The following PDZD11 variants were observed in gnomAD, a reference collection of about 807,000 sequenced individuals.
PDZD11 encodes the protein PDZ domain containing 11, also known as PDZ domain-containing protein 11.
PDZD11 carries 2 observed loss-of-function variants against 13.7 expected under a neutral mutation model. That is an observed-to-expected ratio of 0.15 (90% confidence interval 0.06 to 0.46). The LOEUF (loss-of-function observed/expected upper bound fraction) is 0.46. Ranked by LOEUF, PDZD11 falls within the 20% of genes least tolerant of loss-of-function variation. The pLI is 0.98. For missense variants in PDZD11, 44 were observed against 111.7 expected (o/e 0.39, Z 2.73); for synonymous variants, 32 against 37.5 (o/e 0.85, Z 0.54).
chrX:70,289,450 A>G (rs2085744055), intron 1 of PDZD11, 96 bp from the exon 2 acceptor site: 2 of 1,153,765 alleles, frequency 1.7e-6, no homozygotes, highest in African/African-American at 3.6e-5. Context: ...CAAGGCAGTC[A>G]GTCTACAGGC....
chrX:70,289,127 T>C lies in PDZD11; in HGVS notation c.87+128A>G, dbSNP rs187615361. 24 of 528,116 alleles carry C rather than the reference T, an allele frequency of 4.5e-5. No individual in the cohort carries two copies. The East Asian group carries it at 6.6e-4, about 15-fold the overall frequency. The allele number at this position is 528,116 out of a possible 1,213,427, so 43.5% of individuals were successfully genotyped here. ...TGTTGCTCAGAATCCAGCTTCTGGG[T>C]CCTCTGGCTACAAGTGCTAAGATTC... is the stretch of plus-strand genomic sequence containing the variant. On this transcript the variant is annotated intron_variant, in intron 2 of 6. Transcript: ENST00000239666.
intron 5 of PDZD11, 61 bp downstream of exon 5, chrX:70,287,671 G>C: frequency 1.1e-6 from 1 of 874,935 alleles, no homozygotes; most frequent in Admixed American, 2.2e-5. Flanking sequence ...GGCTACTCCT[G>C]TCCAATCTGT....
At chrX:70,287,209 CA>C in intron 6 of PDZD11, 66 bp downstream of exon 6, 1 of 1,150,036 alleles carries the variant, frequency 8.7e-7, no homozygotes, top group Non-Finnish European at 1.2e-6. Context: ...GGCCTCTAGT[CA>C]TCAGTATTTA....
At chrX:70,288,941 T>G (rs898519687) in intron 2 of PDZD11, among the ~76,000 whole-genome samples, 8 of 111,494 alleles carry the variant, frequency 7.2e-5, no homozygotes, top group Non-Finnish European at 1.5e-4. Flanking sequence ...CAACCTCAGG[T>G]GATCCGCCTG....
intron 5 of PDZD11, among the ~76,000 whole-genome samples, 156 bp from the exon 6 acceptor site, chrX:70,287,492 T>TTG (rs1555942916): frequency 9.0e-6 from 1 of 110,826 alleles, no homozygotes; most frequent in African/African-American, 3.3e-5. Context: ...CTCTCTCTCT[T>TTG]TTTGTTTGTT....
intron 5 of PDZD11, 70 bp downstream of exon 5, chrX:70,287,662 G>T (rs779689084): frequency 5.0e-6 from 4 of 797,573 alleles, no homozygotes; most frequent in Non-Finnish European, 7.6e-6. Flanking sequence ...TACAGATTAG[G>T]CTACTCCTGT....
rs2085726125 is a variant in PDZD11 at position 70,287,487 on chromosome X, TC to T, written c.328-152del. 9.5e-6 allele frequency: 5 copies of T among 525,891 alleles called. No homozygotes were observed. In the East Asian group the frequency reaches 1.8e-4, roughly 19 times the overall value. 43.3% of individuals were successfully genotyped at this position (525,891 alleles called of 1,213,427 possible). A position where few individuals can be genotyped will look rare whatever the true frequency, so the allele number is the denominator to read the frequency against. On this transcript the variant is annotated intron_variant, in intron 5 of 6. Transcript: ENST00000239666. ...CCAGGAGAGGTGCTTACTTTCTCTCTCTCTTTTTGTTTGTTTGTTTGTTTGT... is the reference window on the plus strand; with the variant it reads ...CCAGGAGAGGTGCTTACTTTCTCTCTTCTTTTTGTTTGTTTGTTTGTTTGT...
At chrX:70,288,634 G>T in intron 2 of PDZD11, 121 bp from the exon 3 acceptor site, 1 of 525,848 alleles carries the variant, frequency 1.9e-6, no homozygotes, top group South Asian at 3.0e-5. Flanking sequence ...AATTTAAGTA[G>T]AACAGATAAC....
Position 70,287,802 on chromosome X carries a change from G to A in PDZD11, c.257C>T (p.Ala86Val), listed in dbSNP as rs372097765. The change falls in exon 5 of 7, where the codon GCA becomes GTA. Residue 86 changes from alanine to valine, a missense_variant. By Grantham distance (64) the Ala-to-Val change is moderately conservative. Transcript: ENST00000239666. ...AACTTGGTCCCCTTCCTGCAGTCCT[G>A]CTCTATGTGCATCAGAGTCAGGAAT... ...KVIPDSDAHR[A>V]GLQEGDQVLA... 6.4e-5 allele frequency: 77 copies of A among 1,203,103 alleles called. No individual in the cohort carries two copies. Among genetic ancestry groups the A allele is most frequent in the Non-Finnish European group, 7.9e-5 (70 of 888,878 alleles).
chrX:70,288,544 C>T, intron 2 of PDZD11, 31 bp from the exon 3 acceptor site: 2 of 1,107,394 alleles, frequency 1.8e-6, no homozygotes, highest in Non-Finnish European at 2.5e-6. Context: ...AGAAATTTTA[C>T]CAGTCTTACT....
In PDZD11 at chrX:70,288,265, G is replaced by T; in HGVS notation, c.172-92C>A. 3.4e-6 allele frequency: 3 copies of T among 887,105 alleles called. No homozygotes were observed. The South Asian group carries it at 6.4e-5, about 19-fold the overall frequency. 73.1% of individuals were successfully genotyped at this position (887,105 alleles called of 1,213,427 possible). A position where few individuals can be genotyped will look rare whatever the true frequency, so the allele number is the denominator to read the frequency against. ...CATCGTACAATAGCTCAGCTTGTGT[G>T]TCCCTGAGAGGAAAGTCAGAAGTTG... On this transcript the variant is annotated intron_variant, in intron 3 of 6. Coordinates refer to ENST00000239666, the MANE Select transcript of PDZD11 (RefSeq NM_016484.5).
chrX:70,289,434 C>G, intron 1 of PDZD11, 80 bp from the exon 2 acceptor site: 8 of 1,163,741 alleles, frequency 6.9e-6, no homozygotes, highest in Non-Finnish European at 9.2e-6. Flanking sequence ...CAGCTCCAAC[C>G]CATTCCAAGG....
intron 2 of PDZD11, 59 bp downstream of exon 2, chrX:70,289,196 C>T: frequency 1.1e-6 from 1 of 942,428 alleles, no homozygotes; most frequent in Non-Finnish European, 1.5e-6. Context: ...ACCTTTCATG[C>T]ATCATCTCAT....
Position 70,287,350 on chromosome X carries a change from A to G in PDZD11, c.328-14T>C. The G allele has an allele frequency of 8.4e-7, 1 of 1,194,994 alleles. No homozygotes were observed. Among genetic ancestry groups the G allele is most frequent in the Non-Finnish European group, 1.1e-6 (1 of 880,959 alleles). On this transcript the variant is annotated splice_polypyrimidine_tract_variant and intron_variant, in intron 5 of 6. Coordinates refer to ENST00000239666, the MANE Select transcript of PDZD11 (RefSeq NM_016484.5). ...GATCTCAACAGCCTGGAAGGAACAC[A>G]GCAGCTTGTACAAATGAAGAGATAT...
In PDZD11 at chrX:70,287,347, C is replaced by T; in HGVS notation, c.328-11G>A. ...CAGGATCTCAACAGCCTGGAAGGAACACAGCAGCTTGTACAAATGAAGAGA... is the reference window on the plus strand; with the variant it reads ...CAGGATCTCAACAGCCTGGAAGGAATACAGCAGCTTGTACAAATGAAGAGA... On this transcript the variant is annotated splice_polypyrimidine_tract_variant and intron_variant, in intron 5 of 6. Transcript: ENST00000239666. The T allele has an allele frequency of 8.4e-7, 1 of 1,197,366 alleles. No homozygotes were observed. Among genetic ancestry groups the T allele is most frequent in the South Asian group, 1.8e-5 (1 of 56,136 alleles).
chrX:70,288,648 G>A (rs187956769), intron 2 of PDZD11, 135 bp from the exon 3 acceptor site: 1 of 459,038 alleles, frequency 2.2e-6, no homozygotes, highest in African/African-American at 2.5e-5. Flanking sequence ...AGATAACACA[G>A]ACTAAATGAG....
intron 2 of PDZD11, 39 bp downstream of exon 2, chrX:70,289,216 G>GA (rs777950732): frequency 2.6e-4 from 293 of 1,119,235 alleles, no homozygotes; most frequent in Non-Finnish European, 3.4e-4. Flanking sequence ...TGCCCACGGG[G>GA]AAAAAAATCT....
Position 70,286,914 on chromosome X carries a change from C to G in PDZD11, c.*168G>C, listed in dbSNP as rs1290948750. 1.3e-5 allele frequency: 6 copies of G among 458,074 alleles called. No individual in the cohort carries two copies. In the South Asian group the frequency reaches 1.7e-4, roughly 13 times the overall value. The allele number at this position is 458,074 out of a possible 1,213,427, so 37.8% of individuals were successfully genotyped here. Reference sequence around the variant, plus strand: ...CAGGGAATGAAGCTCACCTAGAAAACTAGGGAACTAAAAGTGCAATATGGT... The same window carrying G: ...CAGGGAATGAAGCTCACCTAGAAAAGTAGGGAACTAAAAGTGCAATATGGT... On this transcript the variant is annotated 3_prime_UTR_variant, in exon 7 of 7. Transcript: ENST00000239666.
In PDZD11 at chrX:70,288,635, A is replaced by C. The variant is rs570032767; in HGVS notation, c.88-122T>G. 1,931 of 528,081 alleles carry C rather than the reference A, an allele frequency of 3.7e-3. 25 individuals are homozygous for C. In the South Asian group the frequency reaches 0.053, roughly 15 times the overall value. 43.5% of individuals were successfully genotyped at this position (528,081 alleles called of 1,213,427 possible). A position where few individuals can be genotyped will look rare whatever the true frequency, so the allele number is the denominator to read the frequency against. On this transcript the variant is annotated intron_variant, in intron 2 of 6. Transcript: ENST00000239666. ...AAGGTCATAGACTTAATTTAAGTAG[A>C]ACAGATAACACAGACTAAATGAGTA...
Sources: allele counts gnomAD v4.1 joint callset (sites outside exome capture counted in the v4.1 genomes callset), GRCh38; gene constraint gnomAD v4.1.1; transcripts MANE v1.5; gene names NCBI Gene and HGNC (gene_info 2026-07-23, HGNC 2026-07-21).